MTOR: variants seen among roughly 807,000 people sequenced by gnomAD.
The protein encoded by MTOR is mechanistic target of rapamycin kinase.
Under a neutral mutation model 319.8 loss-of-function variants are expected in MTOR, and 70 were observed. That is an observed-to-expected ratio of 0.22 (90% CI 0.18 to 0.27). The LOEUF is 0.27. MTOR is among the 10% of genes least tolerant of loss of function. The pLI is 1.00. For missense variants in MTOR, 1,890 were observed against 3,274.4 expected, an observed-to-expected ratio of 0.58 and a Z score of 10.32; for synonymous variants, 1,183 against 1,211.4, an observed-to-expected ratio of 0.98 and a Z score of 0.49.
At chr1:11,182,571 C>T (rs1053211513) in intron 28 of MTOR, among the ~76,000 whole-genome samples, 2 of 152,124 alleles carry the variant, frequency 1.3e-5, no homozygotes, top group African/African-American at 4.8e-5. Context: ...AAAGTGAAGA[C>T]ATCTTTGTAA....
At chr1:11,124,757 A>G (rs1358383236) in intron 46 of MTOR, 124 bp from the exon 47 acceptor site, 2 of 1,073,970 alleles carry the variant, frequency 1.9e-6, no homozygotes, top group Non-Finnish European at 2.5e-6. Flanking sequence ...CGTTCCTCAC[A>G]AAAAGAAAAA....
chr1:11,254,717 G>A (rs142825054), intron 5 of MTOR, among the ~76,000 whole-genome samples: 47 of 151,868 alleles, frequency 3.1e-4, no homozygotes, highest in Non-Finnish European at 5.9e-4. Flanking sequence ...GTATCTCACT[G>A]ATTTTGAGAC....
chr1:11,154,046 G>A (rs1463503163), intron 30 of MTOR, among the ~76,000 whole-genome samples: 1 of 119,176 alleles, frequency 8.4e-6, no homozygotes, highest in East Asian at 2.4e-4. Context: ...TCCAGCCTGG[G>A]TGACAGAGTG....
intron 52 of MTOR, 110 bp downstream of exon 52, chr1:11,114,703 A>T: frequency 8.2e-7 from 1 of 1,221,476 alleles, no homozygotes; most frequent in Non-Finnish European, 1.2e-6. Context: ...ACTGCTACAA[A>T]AATCACAAAG....
At chr1:11,210,680 A>G in intron 24 of MTOR, 134 bp downstream of exon 24, 1 of 634,216 alleles carries the variant, frequency 1.6e-6, no homozygotes, top group Non-Finnish European at 2.7e-6. Flanking sequence ...CACATAGTCT[A>G]CAAAACTGGA....
chr1:11,139,022 T>A (rs914640108), intron 36 of MTOR: 4 of 366,632 alleles, frequency 1.1e-5, no homozygotes, highest in African/African-American at 8.4e-5. Context: ...CTCTTAGGGG[T>A]AGAAAGTGTG....
intron 30 of MTOR, among the ~76,000 whole-genome samples, chr1:11,156,940 A>G (rs1337163466): frequency 1.3e-5 from 2 of 152,170 alleles, no homozygotes; most frequent in Non-Finnish European, 2.9e-5. Flanking sequence ...AGAGCATTAT[A>G]AAGTTTAAGT....
intron 24 of MTOR, among the ~76,000 whole-genome samples, chr1:11,209,706 G>A (rs545568025): frequency 2.6e-5 from 4 of 152,312 alleles, no homozygotes; most frequent in African/African-American, 7.2e-5. Flanking sequence ...CATGCAACTA[G>A]CAAAGATAAA....
chr1:11,215,568 A>T (rs767936846), intron 20 of MTOR, among the ~76,000 whole-genome samples: 2 of 152,222 alleles, frequency 1.3e-5, no homozygotes, highest in Non-Finnish European at 2.9e-5. Flanking sequence ...AGACATTTAA[A>T]TTATATAGAA....
At chr1:11,180,720 G>A (rs1645119032) in intron 28 of MTOR, among the ~76,000 whole-genome samples, 1 of 151,970 alleles carries the variant, frequency 6.6e-6, no homozygotes, top group Admixed American at 6.6e-5. Flanking sequence ...GGGGACAGAT[G>A]AGCTTTGTTA....
At chr1:11,216,359 G>T in intron 19 of MTOR, 125 bp from the exon 20 acceptor site, 2 of 621,598 alleles carry the variant, frequency 3.2e-6, no homozygotes, top group South Asian at 4.6e-5. Context: ...ACTATCTACT[G>T]AGAATATATT....
chr1:11,250,025 G>T (rs1377377969), intron 6 of MTOR, among the ~76,000 whole-genome samples: 2 of 130,732 alleles, frequency 1.5e-5, no homozygotes, highest in Non-Finnish European at 1.6e-5. Context: ...CCTCCCGGAC[G>T]GGGTGGCTGG....
chr1:11,244,466 C>G (rs966727925), intron 8 of MTOR, among the ~76,000 whole-genome samples: 4 of 151,866 alleles, frequency 2.6e-5, no homozygotes, highest in African/African-American at 9.7e-5. Flanking sequence ...AACCCCGTCT[C>G]TACTGAAATA....
intron 56 of MTOR, among the ~76,000 whole-genome samples, chr1:11,108,726 A>AAAAAG (rs1211558275): frequency 2.6e-5 from 4 of 151,024 alleles, no homozygotes; most frequent in South Asian, 4.2e-4. Flanking sequence ...AAAAAAAAAA[A>AAAAAG]AAAAGAAAAG....
intron 28 of MTOR, among the ~76,000 whole-genome samples, chr1:11,168,523 C>G (rs917399326): frequency 5.9e-5 from 9 of 152,210 alleles, no homozygotes; most frequent in African/African-American, 2.2e-4. Flanking sequence ...TCTGACAGAG[C>G]CCACCCCCTT....
intron 13 of MTOR, among the ~76,000 whole-genome samples, chr1:11,236,523 T>G (rs1647247409): frequency 6.6e-6 from 1 of 151,074 alleles, no homozygotes; most frequent in Non-Finnish European, 1.5e-5. Flanking sequence ...TTTTTTTTTT[T>G]TTTGAGACAG....
At chr1:11,256,260 C>G (rs1339661023) in intron 4 of MTOR, 68 bp from the exon 5 acceptor site, 1 of 1,546,360 alleles carries the variant, frequency 6.5e-7, no homozygotes, top group African/African-American at 1.4e-5. Flanking sequence ...AGTACAGTCT[C>G]TTGTCATCTT....
At chr1:11,112,610 C>T (rs1245601564) in intron 54 of MTOR, among the ~76,000 whole-genome samples, 2 of 152,186 alleles carry the variant, frequency 1.3e-5, no homozygotes, top group African/African-American at 4.8e-5. Context: ...GTTATGCCTC[C>T]TACTGTCAAT....
chr1:11,211,096 T>C (rs372121060), intron 23 of MTOR, among the ~76,000 whole-genome samples, 190 bp from the exon 24 acceptor site: 38 of 152,384 alleles, frequency 2.5e-4, no homozygotes, highest in African/African-American at 8.9e-4. Context: ...ATCTGGTTTA[T>C]GATGGTGGCC....
Sources: gnomAD v4.1 joint callset for allele counts (sites outside exome capture counted in the v4.1 genomes callset) on GRCh38, gnomAD v4.1.1 for gene constraint, MANE v1.5 for transcripts, NCBI Gene and HGNC (gene_info 2026-07-23, HGNC 2026-07-21) for gene names.